Variants in CALCRL observed in about 807,000 individuals in gnomAD.
CALCRL encodes calcitonin gene-related peptide type 1 receptor.
Under a neutral mutation model 60.4 loss-of-function variants are expected in CALCRL, and 27 were observed. The observed-to-expected ratio is 0.45, with a 90% confidence interval of 0.33 to 0.62. The LOEUF is 0.62. CALCRL is among the 20% of genes least tolerant of loss of function. The pLI is 0.03. For synonymous variants in CALCRL, 190 were observed against 182.6 expected, an observed-to-expected ratio of 1.04 and a Z score of -0.33; for missense variants, 424 against 540.7, an observed-to-expected ratio of 0.78 and a Z score of 2.14.
intron 12 of CALCRL, 45 bp downstream of exon 12, chr2:187,359,018 G>A (rs751239244): frequency 1.4e-5 from 21 of 1,464,006 alleles, no homozygotes; most frequent in Non-Finnish European, 1.7e-5. Flanking sequence ...CAGAAATAAA[G>A]TTGAAATGTG....
At chr2:187,368,793 C>T (rs886459065) in intron 8 of CALCRL, among the ~76,000 whole-genome samples, 2 of 152,076 alleles carry the variant, frequency 1.3e-5, no homozygotes, top group East Asian at 3.9e-4. Context: ...CAGATCTTTT[C>T]CCCCAAAAAA....
chr2:187,401,547 A>G (rs1356952855), intron 1 of CALCRL, among the ~76,000 whole-genome samples: 1 of 151,654 alleles, frequency 6.6e-6, no homozygotes, highest in African/African-American at 2.4e-5. Flanking sequence ...ATTTAAGTTT[A>G]TAAAAATAAC....
chr2:187,405,449 T>C (rs1400974192), intron 1 of CALCRL, among the ~76,000 whole-genome samples: 1 of 151,958 alleles, frequency 6.6e-6, no homozygotes, highest in Non-Finnish European at 1.5e-5. Flanking sequence ...TGTTACGGAG[T>C]ACCTTTTAAA....
Position 187,392,584 on chromosome 2 carries a change from G to T in CALCRL, c.-292-4828C>A, listed in dbSNP as rs1177606978. 2.0e-5 allele frequency among the ~76,000 whole-genome samples: 3 copies of T among 152,250 alleles called. No individual in the cohort carries two copies. The East Asian group carries it at 5.8e-4, about 29-fold the overall frequency. ...AATCATTCTACACAATCTAAAAAATGTCAAAGTTCAAGAGCCTGGTTAACT... is the reference window on the plus strand; with the variant it reads ...AATCATTCTACACAATCTAAAAAATTTCAAAGTTCAAGAGCCTGGTTAACT... On this transcript the variant is annotated intron_variant, in intron 1 of 14. Coordinates refer to ENST00000392370, the MANE Select transcript of CALCRL (RefSeq NM_005795.6).
At chr2:187,377,144 T>TA (rs1687791005) in intron 8 of CALCRL, among the ~76,000 whole-genome samples, 1 of 151,954 alleles carries the variant, frequency 6.6e-6, no homozygotes, top group African/African-American at 2.4e-5. Flanking sequence ...CAATGGAAAA[T>TA]CTAAAAATTT....
chr2:187,406,887 A>T (rs1689155444), intron 1 of CALCRL, among the ~76,000 whole-genome samples: 1 of 152,080 alleles, frequency 6.6e-6, no homozygotes, highest in Non-Finnish European at 1.5e-5. Context: ...TTTGGAAAAA[A>T]TGGAGCTATT....
intron 1 of CALCRL, among the ~76,000 whole-genome samples, chr2:187,402,440 TGAGA>T (rs144627472): frequency 2.7e-5 from 4 of 149,032 alleles, no homozygotes; most frequent in Admixed American, 6.7e-5. Context: ...TGTGTGTATG[TGAGA>T]GAGAGAGAGA....
intron 14 of CALCRL, among the ~76,000 whole-genome samples, chr2:187,346,995 A>T (rs1417007199): frequency 6.6e-6 from 1 of 151,760 alleles, no homozygotes; most frequent in Non-Finnish European, 1.5e-5. Flanking sequence ...ACAAATAATT[A>T]TAAATCTGGT....
At chr2:187,400,707 G>A (rs564894891) in intron 1 of CALCRL, among the ~76,000 whole-genome samples, 2 of 151,486 alleles carry the variant, frequency 1.3e-5, no homozygotes, top group South Asian at 4.2e-4. Flanking sequence ...TAAAGAGGAA[G>A]GAGTACTTAA....
intron 1 of CALCRL, among the ~76,000 whole-genome samples, chr2:187,422,153 G>C (rs1047775117): frequency 1.1e-4 from 17 of 152,150 alleles, no homozygotes; most frequent in African/African-American, 4.1e-4. Context: ...CACAGGGCAA[G>C]TGTTTTTATT....
At chr2:187,432,888 A>T (rs541115098) in intron 1 of CALCRL, among the ~76,000 whole-genome samples, 51 of 152,202 alleles carry the variant, frequency 3.4e-4, no homozygotes, top group Non-Finnish European at 6.9e-4. Context: ...AGTGTGTTAC[A>T]GTTGCCTAAA....
intron 5 of CALCRL, among the ~76,000 whole-genome samples, chr2:187,382,295 A>T (rs1688014890): frequency 6.6e-6 from 1 of 152,230 alleles, no homozygotes; most frequent in African/African-American, 2.4e-5. Context: ...AGTATTTAAA[A>T]TTACAAAGTA....
intron 1 of CALCRL, among the ~76,000 whole-genome samples, chr2:187,416,846 C>T (rs1216131490): frequency 6.6e-6 from 1 of 151,910 alleles, no homozygotes; most frequent in Non-Finnish European, 1.5e-5. Context: ...TCAATAAAGA[C>T]CTATAATCAG....
At chr2:187,379,552 C>T (rs1222793112) in intron 7 of CALCRL, among the ~76,000 whole-genome samples, 4 of 152,042 alleles carry the variant, frequency 2.6e-5, no homozygotes, top group Admixed American at 2.6e-4. Flanking sequence ...ATGGTTTTCA[C>T]TTTTTTATTT....
At chr2:187,444,355 G>A (rs1252800462) in intron 1 of CALCRL, among the ~76,000 whole-genome samples, 1 of 151,396 alleles carries the variant, frequency 6.6e-6, no homozygotes, top group African/African-American at 2.4e-5. Flanking sequence ...GGTTATTTAT[G>A]TATTCATTTT....
chr2:187,438,447 C>T lies in CALCRL; in HGVS notation c.-293+9592G>A, dbSNP rs138594688. Among the ~76,000 whole-genome samples the T allele has an allele frequency of 8.2e-3, 1,246 of 152,028 alleles. 8 individuals carry two copies. The highest frequency in any genetic ancestry group is 0.016 in the African/African-American group (646 of 41,492). On this transcript the variant is annotated intron_variant, in intron 1 of 14. Coordinates refer to ENST00000392370, the MANE Select transcript of CALCRL (RefSeq NM_005795.6). ...CAAACATGTCTGTTTACCAAACAGA[C>T]GTAAAACTTTTTGGCAATTAAACAG...
At chr2:187,434,001 G>A (rs1441352401) in intron 1 of CALCRL, among the ~76,000 whole-genome samples, 2 of 151,136 alleles carry the variant, frequency 1.3e-5, no homozygotes, top group Non-Finnish European at 3.0e-5. Flanking sequence ...TATTGTAAAT[G>A]TGCAACCAAT....
At chr2:187,427,336 AAAAGTGTAACAC>A (rs1212256474) in intron 1 of CALCRL, among the ~76,000 whole-genome samples, 1 of 152,176 alleles carries the variant, frequency 6.6e-6, no homozygotes, top group East Asian at 1.9e-4. Context: ...TGGTCTAGGG[AAAAGTGTAACAC>A]AAAGTAAATG....
Position 187,363,396 on chromosome 2 carries a change from C to T in CALCRL, c.607G>A (p.Ala203Thr). 1 of 1,611,244 alleles carries T rather than the reference C, an allele frequency of 6.2e-7. No homozygotes were observed. The highest frequency in any genetic ancestry group is 8.5e-7 in the Non-Finnish European group (1 of 1,178,698). ...IHLTAVANNQ[A>T]LVATNPVSCK... The stretch of plus-strand genomic sequence containing the variant: ...CTTACAGGATTTGTGGCTACTAAGG[C>T]CTGGTTGTTGGCCACTGCAGTGAGG... The change falls in exon 9 of 15, where the codon GCC becomes ACC. Residue 203 changes from alanine to threonine, a missense_variant. Physicochemically the swap from Ala to Thr is moderately conservative, Grantham distance 58 (BLOSUM62 0). Transcript: ENST00000392370.
Sources: allele counts gnomAD v4.1 joint callset (sites outside exome capture counted in the v4.1 genomes callset), GRCh38; gene constraint gnomAD v4.1.1; transcripts MANE v1.5; gene names NCBI Gene and HGNC (gene_info 2026-07-23, HGNC 2026-07-21).